KIF3B: variants seen among roughly 807,000 people sequenced by gnomAD.
KIF3B encodes the protein kinesin family member 3B, also known as kinesin-like protein KIF3B.
A neutral mutation model predicts 74.3 loss-of-function variants in KIF3B; 38 were observed. The ratio of observed to expected loss-of-function variants is 0.51; its 90% CI spans 0.39 to 0.67. The LOEUF (loss-of-function observed/expected upper bound fraction) is 0.67, where lower values mean the gene tolerates loss of function less well. KIF3B is among the 30% of genes least tolerant of loss of function. The pLI is 0.00. For synonymous variants in KIF3B, 326 were observed against 342.5 expected, an observed-to-expected ratio of 0.95 and a Z score of 0.53; for missense variants, 649 against 932.0, an observed-to-expected ratio of 0.70 and a Z score of 3.95.
intron 2 of KIF3B, among the ~76,000 whole-genome samples, chr20:32,311,896 G>A (rs1372628232): frequency 4.0e-5 from 6 of 148,994 alleles, no homozygotes; most frequent in Non-Finnish European, 8.9e-5. Context: ...TCTGCCATCC[G>A]GGTTCAAGTG....
At position 32,334,904 on chromosome 20, in the gene KIF3B, T is replaced by C. The variant is rs1012500333; in HGVS notation, c.*3585T>C. 1.3e-5 allele frequency: 2 copies of C among 152,572 alleles called. No homozygotes were observed. The highest frequency in any genetic ancestry group is 4.8e-5 in the African/African-American group (2 of 41,426). The allele number at this position is 152,572 out of a possible 1,614,324, so 9.5% of individuals were successfully genotyped here. ...GCCAATCAATACTTGGGGCTCTAAG[T>C]TTTACAATTGATATTTATTTGTATC... is the stretch of plus-strand genomic sequence containing the variant. On this transcript the variant is annotated 3_prime_UTR_variant, in exon 9 of 9. Coordinates refer to ENST00000375712, the MANE Select transcript of KIF3B (RefSeq NM_004798.4).
chr20:32,286,058 G>C (rs2047666308), intron 1 of KIF3B, among the ~76,000 whole-genome samples: 1 of 152,182 alleles, frequency 6.6e-6, no homozygotes, highest in South Asian at 2.1e-4. Flanking sequence ...ATCATGGTGG[G>C]TGTGGCTTTT....
intron 2 of KIF3B, among the ~76,000 whole-genome samples, chr20:32,311,767 C>G (rs2047801474): frequency 6.6e-6 from 1 of 151,606 alleles, no homozygotes; most frequent in East Asian, 1.9e-4. Flanking sequence ...CGTACCCCCC[C>G]ACCCAGTGTA....
At chr20:32,283,365 G>A (rs528654741) in intron 1 of KIF3B, among the ~76,000 whole-genome samples, 36 of 152,184 alleles carry the variant, frequency 2.4e-4, no homozygotes, top group Middle Eastern at 3.4e-3. Context: ...TTAGCTGGGC[G>A]TGGTGGTGCG....
chr20:32,331,092 A>G, intron 8 of KIF3B, 131 bp from the exon 9 acceptor site: 1 of 716,188 alleles, frequency 1.4e-6, no homozygotes, highest in Non-Finnish European at 2.5e-6. Context: ...GTGCCAGTGT[A>G]GTGGTTTTAC....
At chr20:32,324,189 C>A (rs140437034) in intron 5 of KIF3B, among the ~76,000 whole-genome samples, 2 of 152,170 alleles carry the variant, frequency 1.3e-5, no homozygotes, top group African/African-American at 4.8e-5. Flanking sequence ...TAACTTGTAT[C>A]TCTATCCCCT....
intron 1 of KIF3B, among the ~76,000 whole-genome samples, chr20:32,291,914 G>A (rs767091571): frequency 1.1e-4 from 16 of 150,966 alleles, no homozygotes; most frequent in Admixed American, 7.3e-4. Flanking sequence ...ACCGCGCCTC[G>A]CCTCATTTTT....
In KIF3B at chr20:32,331,506, T is replaced by A. The variant is rs1278305980; in HGVS notation, c.*187T>A. 1.8e-6 allele frequency: 1 copy of A among 559,154 alleles called. No homozygotes were observed. The highest frequency in any genetic ancestry group is 1.9e-5 in the African/African-American group (1 of 51,384). The allele number at this position is 559,154 out of a possible 1,614,324, so 34.6% of individuals were successfully genotyped here. On this transcript the variant is annotated 3_prime_UTR_variant, in exon 9 of 9. Coordinates refer to ENST00000375712, the MANE Select transcript of KIF3B (RefSeq NM_004798.4). ...TGTTCCTAATCTGGCACTCAGCCCC[T>A]CTGGGAAACATCTTTTAATTAGCAT...
intron 1 of KIF3B, 70 bp from the exon 2 acceptor site, chr20:32,309,643 G>T: frequency 1.1e-6 from 1 of 900,188 alleles, no homozygotes; most frequent in Non-Finnish European, 1.7e-6. Flanking sequence ...CTATTTAGGT[G>T]TGTCAGCTTC....
chr20:32,293,151 G>A (rs1490691573), intron 1 of KIF3B, among the ~76,000 whole-genome samples: 1 of 152,012 alleles, frequency 6.6e-6, no homozygotes, highest in East Asian at 1.9e-4. Flanking sequence ...GTACTTGGGA[G>A]TCTGAGGTGG....
At chr20:32,281,910 A>G (rs1415373489) in intron 1 of KIF3B, among the ~76,000 whole-genome samples, 1 of 152,170 alleles carries the variant, frequency 6.6e-6, no homozygotes, top group Non-Finnish European at 1.5e-5. Flanking sequence ...TTACAATGGC[A>G]GGGACAGGTG....
At chr20:32,308,287 G>A (rs1051662832) in intron 1 of KIF3B, among the ~76,000 whole-genome samples, 4 of 152,158 alleles carry the variant, frequency 2.6e-5, no homozygotes, top group African/African-American at 7.2e-5. Context: ...GCAGTGACAC[G>A]ATCATAGCTC....
Position 32,323,993 on chromosome 20 carries a change from C to T in KIF3B, c.1749-2778C>T, listed in dbSNP as rs192007840. Among the ~76,000 whole-genome samples, 439 of 151,996 alleles carry T rather than the reference C, an allele frequency of 2.9e-3. 2 individuals carry two copies. The highest frequency in any genetic ancestry group is 0.01 in the Middle Eastern group (3 of 294). ...GAGTGGTGGCATGTGCCTGTAGTTC[C>T]AGCTACTTGGGAAGCTGAGGCAGGA... On this transcript the variant is annotated intron_variant, in intron 5 of 8. Transcript: ENST00000375712.
chr20:32,310,877 C>T lies in KIF3B; in HGVS notation c.1100C>T (p.Ala367Val). 1 of 1,613,784 alleles carries T rather than the reference C, an allele frequency of 6.2e-7. No individual in the cohort carries two copies. The highest frequency in any genetic ancestry group is 8.5e-7 in the Non-Finnish European group (1 of 1,179,978). Residue 367 changes from alanine to valine, a missense_variant, in exon 2 of 9, where the codon GCC becomes GTC. Physicochemically the swap from Ala to Val is moderately conservative, Grantham distance 64. This residue lies in a region of KIF3B where 363 missense variants were observed against 592.8 expected (regional missense o/e 0.61). Coordinates refer to ENST00000375712, the MANE Select transcript of KIF3B (RefSeq NM_004798.4). This position sits in a 1 kb window ranked among gnomAD's most constrained non-coding sequence, Gnocchi z 6.5. Reference protein sequence around the residue: ...EFQEEIARLKAQLEKRSIGRR... With the variant: ...EFQEEIARLKVQLEKRSIGRR... Reference sequence around the variant, plus strand: ...CAGGAAGAGATTGCTCGGCTCAAGGCCCAGCTGGAAAAACGGTCCATTGGT... The same window carrying T: ...CAGGAAGAGATTGCTCGGCTCAAGGTCCAGCTGGAAAAACGGTCCATTGGT...
intron 1 of KIF3B, among the ~76,000 whole-genome samples, chr20:32,292,909 G>A (rs1215868479): frequency 6.6e-6 from 1 of 152,216 alleles, no homozygotes; most frequent in Non-Finnish European, 1.5e-5. Flanking sequence ...GTTTGCAGTA[G>A]CAAATGACCA....
At chr20:32,302,839 C>T (rs374138605) in intron 1 of KIF3B, among the ~76,000 whole-genome samples, 168 of 152,286 alleles carry the variant, frequency 1.1e-3, no homozygotes, top group African/African-American at 3.8e-3. Flanking sequence ...TGAAAAGACG[C>T]AGGAAACTGG....
At position 32,330,223 on chromosome 20, in the gene KIF3B, T is replaced by C; in HGVS notation, c.2051T>C (p.Val684Ala). 1.2e-6 allele frequency: 2 copies of C among 1,613,828 alleles called. No homozygotes were observed. The highest frequency in any genetic ancestry group is 3.3e-5 in the Admixed American group (2 of 60,002). The change falls in exon 8 of 9, where the codon GTC becomes GCC. Residue 684 changes from valine (V) to alanine (A), a missense_variant. By Grantham distance (64) the Val-to-Ala change is moderately conservative (BLOSUM62 0). Transcript: ENST00000375712. The part of the protein sequence containing the change: ...DYEGPAIAPK[V>A]QAALDAALQD... ...GAGGGTCCAGCCATTGCCCCCAAGG[T>C]CCAGGCTGCATTGGATGCGGCTCTG...
chr20:32,321,243 A>G (rs1365929990), intron 5 of KIF3B, among the ~76,000 whole-genome samples: 1 of 152,072 alleles, frequency 6.6e-6, no homozygotes, highest in Admixed American at 6.6e-5. Context: ...ACCCTGGCCA[A>G]TATGGTGAAA....
intron 7 of KIF3B, 28 bp downstream of exon 7, chr20:32,327,689 C>T (rs1423411542): frequency 1.9e-6 from 3 of 1,564,558 alleles, no homozygotes; most frequent in African/African-American, 1.4e-5. Context: ...GGGTTTTTCT[C>T]CTGTCTCTTT....
Sources: allele counts gnomAD v4.1 joint callset (sites outside exome capture counted in the v4.1 genomes callset), GRCh38; gene constraint gnomAD v4.1.1; regional missense constraint gnomAD v4.1.1; non-coding constraint Gnocchi (gnomAD v3.1); transcripts MANE v1.5; gene names NCBI Gene and HGNC (gene_info 2026-07-23, HGNC 2026-07-21).